FERMT2: variants seen among roughly 807,000 people sequenced by gnomAD.
FERMT2 encodes the protein fermitin family homolog 2.
A neutral mutation model predicts 82.7 loss-of-function variants in FERMT2; 15 were observed. The ratio of observed to expected loss-of-function variants is 0.18; its 90% confidence interval spans 0.12 to 0.28. The LOEUF is 0.28. FERMT2 is among the 10% of genes least tolerant of loss of function. The pLI is 1.00. For missense variants in FERMT2, 645 were observed against 809.4 expected (o/e 0.80, Z 2.46); for synonymous variants, 274 against 271.5 (o/e 1.01, Z -0.09).
intron 10 of FERMT2, among the ~76,000 whole-genome samples, chr14:52,865,087 C>G (rs1486004205): frequency 3.3e-5 from 5 of 152,156 alleles, no homozygotes; most frequent in Non-Finnish European, 7.3e-5. Flanking sequence ...CTTTGGGAGG[C>G]CGAGGCGGGC....
At chr14:52,921,942 A>T (rs989970728) in intron 2 of FERMT2, among the ~76,000 whole-genome samples, 3 of 152,104 alleles carry the variant, frequency 2.0e-5, no homozygotes, top group South Asian at 2.1e-4. Flanking sequence ...CCCACTAAGG[A>T]AGCTCCATCA....
intron 3 of FERMT2, among the ~76,000 whole-genome samples, chr14:52,895,871 A>T (rs2139557326): frequency 6.6e-6 from 1 of 152,328 alleles, no homozygotes; most frequent in South Asian, 2.1e-4. Flanking sequence ...AGAAAGGAGA[A>T]GCAATAGGTC....
intron 2 of FERMT2, among the ~76,000 whole-genome samples, chr14:52,950,174 A>G (rs1488919922): frequency 6.6e-6 from 1 of 152,220 alleles, no homozygotes; most frequent in Non-Finnish European, 1.5e-5. Flanking sequence ...TACGCAATTA[A>G]GGTTATAATT....
At chr14:52,948,045 T>C (rs536106240) in intron 2 of FERMT2, among the ~76,000 whole-genome samples, 3 of 152,332 alleles carry the variant, frequency 2.0e-5, no homozygotes, top group East Asian at 3.9e-4. Flanking sequence ...TCATAACTGC[T>C]TCAAGGCCAC....
intron 10 of FERMT2, among the ~76,000 whole-genome samples, chr14:52,866,242 T>C (rs1885272233): frequency 1.3e-5 from 2 of 152,154 alleles, no homozygotes; most frequent in Admixed American, 1.3e-4. Flanking sequence ...CCACCTCAGC[T>C]ACCTACTTCC....
Position 52,950,395 on chromosome 14 carries a change from G to T in FERMT2, c.157+17C>A. 6.2e-7 allele frequency: 1 copy of T among 1,608,974 alleles called. No individual in the cohort carries two copies. The highest frequency in any genetic ancestry group is 1.1e-5 in the South Asian group (1 of 90,386). On this transcript the variant is annotated intron_variant, in intron 2 of 14. Transcript: ENST00000341590. ...TCTGGGAAGTCATTAGTTGGACGCG[G>T]CTGGGATGCTACTCACCGAGTTTCT... is the stretch of plus-strand genomic sequence containing the variant.
At chr14:52,863,018 G>A (rs939016905) in intron 12 of FERMT2, 1 of 151,220 alleles carries the variant, frequency 6.6e-6, no homozygotes, top group African/African-American at 2.4e-5. Context: ...AGGCAAATAA[G>A]TTCACTTTTA....
intron 2 of FERMT2, among the ~76,000 whole-genome samples, chr14:52,947,435 C>T (rs1483712797): frequency 6.6e-6 from 1 of 152,014 alleles, no homozygotes; most frequent in African/African-American, 2.4e-5. Flanking sequence ...GCCGGGATCG[C>T]GCTACTGCAC....
In FERMT2 at chr14:52,876,778, T is replaced by C. The variant is rs187084036; in HGVS notation, c.964-1421A>G. ...AGAGTATACTTCGGAGTATAGGTTC[T>C]CTCTGAAAGAAAAAATTCTAGGCAT... is the stretch of plus-strand genomic sequence containing the variant. On this transcript the variant is annotated intron_variant, in intron 7 of 14. Coordinates refer to ENST00000341590, the MANE Select transcript of FERMT2 (RefSeq NM_006832.3). Among the ~76,000 whole-genome samples the C allele has an allele frequency of 3.9e-3, 592 of 152,280 alleles. 15 individuals carry two copies. Among genetic ancestry groups the C allele is most frequent in the Non-Finnish European group, 1.0e-3 (69 of 68,028 alleles).
intron 2 of FERMT2, among the ~76,000 whole-genome samples, chr14:52,939,943 T>G (rs1183657256): frequency 6.6e-6 from 1 of 152,250 alleles, no homozygotes; most frequent in Non-Finnish European, 1.5e-5. Flanking sequence ...AGCACTTTAT[T>G]GGTGTTTTAT....
intron 7 of FERMT2, 34 bp from the exon 8 acceptor site, chr14:52,875,391 T>C (rs373032734): frequency 2.0e-6 from 3 of 1,469,084 alleles, no homozygotes; most frequent in Non-Finnish European, 2.8e-6. Context: ...AAATAATTGC[T>C]ATAACTGTAA....
intron 14 of FERMT2, 198 bp from the exon 15 acceptor site, chr14:52,858,748 T>TTTAAG (rs774494448): frequency 1.0e-5 from 5 of 500,496 alleles, no homozygotes; most frequent in South Asian, 3.7e-5. Context: ...TCCCCTACAC[T>TTTAAG]TTAAGTTTTC....
At position 52,885,312 on chromosome 14, in the gene FERMT2, CAAAAAAAAAA is replaced by C. The variant is rs1181582996; in HGVS notation, c.527-3853_527-3844del. Among the ~76,000 whole-genome samples the C allele has an allele frequency of 1.2e-3, 76 of 61,082 alleles. No individual in the cohort carries two copies. In the South Asian group the frequency reaches 0.048, roughly 38 times the overall value. 40.1% of individuals were successfully genotyped at this position (61,082 alleles called of 152,430 possible). ...TGGGTAACAGGGCGAGACTTAGTCT[CAAAAAAAAAA>C]AAAAAAAAAAAAAAAAATCTGTTAC... On this transcript the variant is annotated intron_variant, in intron 4 of 14. Coordinates refer to ENST00000341590, the MANE Select transcript of FERMT2 (RefSeq NM_006832.3).
At chr14:52,873,000 T>C (rs1885722524) in intron 9 of FERMT2, 77 bp from the exon 10 acceptor site, 2 of 1,415,450 alleles carry the variant, frequency 1.4e-6, no homozygotes, top group Non-Finnish European at 9.8e-7. Context: ...AGTTTCACAA[T>C]ATTAATTTAA....
chr14:52,935,547 C>T (rs1487365254), intron 2 of FERMT2, among the ~76,000 whole-genome samples: 1 of 152,142 alleles, frequency 6.6e-6, no homozygotes, highest in Non-Finnish European at 1.5e-5. Context: ...TCCTTCTTTC[C>T]CTCCTCCATG....
chr14:52,907,660 A>T (rs777221200), intron 3 of FERMT2, among the ~76,000 whole-genome samples: 6 of 152,164 alleles, frequency 3.9e-5, no homozygotes, highest in Admixed American at 6.6e-5. Flanking sequence ...TAGGCTGAAT[A>T]AGTTAAAGTC....
intron 2 of FERMT2, among the ~76,000 whole-genome samples, chr14:52,933,164 A>T (rs939737543): frequency 6.6e-6 from 1 of 152,154 alleles, no homozygotes; most frequent in Non-Finnish European, 1.5e-5. Context: ...ATATCTTTGA[A>T]ATTAGATAAT....
At position 52,874,118 on chromosome 14, in the gene FERMT2, G is replaced by T; in HGVS notation, c.1148+59C>A. Reference sequence around the variant, plus strand: ...ACTTAACAGTTAGTTTCAATAATGTGACCATGACTATAAAGCTGACAGTTA... The same window carrying T: ...ACTTAACAGTTAGTTTCAATAATGTTACCATGACTATAAAGCTGACAGTTA... On this transcript the variant is annotated intron_variant, in intron 9 of 14. Transcript: ENST00000341590. The T allele has an allele frequency of 2.7e-6, 3 of 1,121,864 alleles. No homozygotes were observed. In the South Asian group the frequency reaches 4.5e-5, roughly 17 times the overall value. 69.5% of individuals were successfully genotyped at this position (1,121,864 alleles called of 1,614,324 possible).
intron 3 of FERMT2, among the ~76,000 whole-genome samples, chr14:52,915,627 G>A (rs1194182862): frequency 6.6e-6 from 1 of 152,086 alleles, no homozygotes; most frequent in Non-Finnish European, 1.5e-5. Flanking sequence ...ATTCTAAGTA[G>A]ATAAAAGCAG....
Sources: gnomAD v4.1 joint callset for allele counts (sites outside exome capture counted in the v4.1 genomes callset) on GRCh38, gnomAD v4.1.1 for gene constraint, MANE v1.5 for transcripts, NCBI Gene and HGNC (gene_info 2026-07-23, HGNC 2026-07-21) for gene names.